The following TAFA5 variants were observed in gnomAD, a reference collection of about 807,000 sequenced individuals.
TAFA5 encodes the protein TAFA chemokine like family member 5.
In TAFA5, 6 loss-of-function variants were observed where a neutral mutation model predicts 15.3. The observed-to-expected ratio is 0.39, with a 90% CI of 0.21 to 0.77. The LOEUF (loss-of-function observed/expected upper bound fraction) is 0.77. TAFA5 is among the 30% of genes least tolerant of loss of function. The probability of loss-of-function intolerance (pLI) is 0.41; values close to 1 mark genes in which losing one functional copy is unlikely to be tolerated. For synonymous variants in TAFA5, 103 were observed against 80.7 expected (o/e 1.28, Z -1.48); for missense variants, 161 against 193.1 (o/e 0.83, Z 0.98).
chr22:48,717,344 G>A (rs1291094861), intron 3 of TAFA5, among the ~76,000 whole-genome samples: 2 of 152,280 alleles, frequency 1.3e-5, no homozygotes, highest in Middle Eastern at 3.4e-3. Context: ...CTCCAGCCCT[G>A]GACATCCCAG....
chr22:48,640,662 C>T (rs1015502441), intron 1 of TAFA5, among the ~76,000 whole-genome samples: 1 of 152,198 alleles, frequency 6.6e-6, no homozygotes, highest in Non-Finnish European at 1.5e-5. Context: ...CCACATGGCG[C>T]ACAGATGGTG....
At position 48,710,993 on chromosome 22, in the gene TAFA5, C is replaced by T. The variant is rs1929234183; in HGVS notation, c.390+3149C>T. Among the ~76,000 whole-genome samples, 3 of 152,220 alleles carry T rather than the reference C, an allele frequency of 2.0e-5. No homozygotes were observed. The South Asian group carries it at 6.2e-4, about 32-fold the overall frequency. On this transcript the variant is annotated intron_variant, in intron 3 of 3. Coordinates refer to ENST00000402357, the MANE Select transcript of TAFA5 (RefSeq NM_001082967.3). Reference sequence around the variant, plus strand: ...GGCCAGACCTGGCTTGGTGTGAGACCCCAAGTGGCTTTCAGCTCGGGAGAC... The same window carrying T: ...GGCCAGACCTGGCTTGGTGTGAGACTCCAAGTGGCTTTCAGCTCGGGAGAC...
intron 1 of TAFA5, among the ~76,000 whole-genome samples, chr22:48,554,306 T>C (rs1235152567): frequency 6.6e-6 from 1 of 152,198 alleles, no homozygotes; most frequent in East Asian, 1.9e-4. Context: ...GGAAGGAAAT[T>C]ATCATAATCC....
intron 1 of TAFA5, among the ~76,000 whole-genome samples, chr22:48,625,988 G>A (rs1232489026): frequency 5.3e-5 from 8 of 152,212 alleles, no homozygotes. Context: ...TCAGCAGTAA[G>A]CGTTTAAGGT....
intron 2 of TAFA5, among the ~76,000 whole-genome samples, chr22:48,695,274 G>A (rs533084128): frequency 7.2e-5 from 11 of 152,210 alleles, no homozygotes; most frequent in African/African-American, 2.4e-4. Flanking sequence ...TGGGAGACTC[G>A]AGGGACACTC....
At chr22:48,669,715 G>A (rs1927739594) in intron 2 of TAFA5, among the ~76,000 whole-genome samples, 1 of 152,182 alleles carries the variant, frequency 6.6e-6, no homozygotes, top group African/African-American at 2.4e-5. Context: ...AAGGGGCCAT[G>A]GGAGGAGCCC....
intron 3 of TAFA5, among the ~76,000 whole-genome samples, chr22:48,749,373 G>T (rs62225051): frequency 1.8e-4 from 28 of 152,328 alleles, no homozygotes; most frequent in African/African-American, 6.3e-4. Context: ...GGGGAGGGTG[G>T]CTCCGTGGTG....
intron 2 of TAFA5, among the ~76,000 whole-genome samples, chr22:48,677,886 G>GT (rs1230988379): frequency 2.0e-5 from 3 of 152,114 alleles, no homozygotes; most frequent in East Asian, 3.9e-4. Context: ...CTCCAACACT[G>GT]TGGAGGTCCA....
At chr22:48,723,395 G>A (rs1240200594) in intron 3 of TAFA5, among the ~76,000 whole-genome samples, 1 of 152,072 alleles carries the variant, frequency 6.6e-6, no homozygotes, top group Non-Finnish European at 1.5e-5. Flanking sequence ...GTCCTTGGAT[G>A]ACACCTCTAC....
chr22:48,527,652 T>C (rs11703199), intron 1 of TAFA5, among the ~76,000 whole-genome samples: 31,495 of 152,166 alleles, frequency 0.21, 3,526 homozygotes, highest in African/African-American at 0.3. Flanking sequence ...CAGCACCTGT[T>C]GGAAGCCCTG....
rs1437306146 is a variant in TAFA5 at position 48,490,204 on chromosome 22, A to C, written c.112+500A>C. On this transcript the variant is annotated intron_variant, in intron 1 of 3. Coordinates refer to ENST00000402357, the MANE Select transcript of TAFA5 (RefSeq NM_001082967.3). The surrounding 1 kb of genome is among the most constrained non-coding windows in gnomAD (Gnocchi z 5.8). ...AGCCTGGGCTCGGAGGAGCAGCTGGAGCTTCCGCTTTCCCGGGAAACGGGC... is the reference window on the plus strand; with the variant it reads ...AGCCTGGGCTCGGAGGAGCAGCTGGCGCTTCCGCTTTCCCGGGAAACGGGC... Among the ~76,000 whole-genome samples the C allele has an allele frequency of 6.6e-6, 1 of 152,018 alleles. No individual in the cohort carries two copies. Among genetic ancestry groups the C allele is most frequent in the Non-Finnish European group, 1.5e-5 (1 of 67,974 alleles).
chr22:48,562,286 C>T (rs897321144), intron 1 of TAFA5, among the ~76,000 whole-genome samples: 11 of 152,238 alleles, frequency 7.2e-5, no homozygotes, highest in African/African-American at 1.7e-4. Context: ...TACAGGCGCC[C>T]GCCACTATGC....
intron 1 of TAFA5, among the ~76,000 whole-genome samples, chr22:48,612,186 G>A (rs965589197): frequency 2.6e-5 from 4 of 152,124 alleles, no homozygotes; most frequent in Admixed American, 6.5e-5. Context: ...TCCCCTGGCC[G>A]CCCACTGGGC....
chr22:48,661,684 A>C (rs6010571), intron 2 of TAFA5, among the ~76,000 whole-genome samples: 1 of 152,062 alleles, frequency 6.6e-6, no homozygotes, highest in East Asian at 1.9e-4. Flanking sequence ...TCGTTCCCCC[A>C]CCCTCCTGGA....
At chr22:48,539,315 T>C (rs1922278144) in intron 1 of TAFA5, 1 of 466,752 alleles carries the variant, frequency 2.1e-6, no homozygotes, top group East Asian at 7.0e-5. Flanking sequence ...ATTTGCCAGA[T>C]AATCGGAGGC....
intron 2 of TAFA5, among the ~76,000 whole-genome samples, chr22:48,656,933 T>C (rs1019677083): frequency 1.3e-5 from 2 of 151,826 alleles, no homozygotes; most frequent in Non-Finnish European, 2.9e-5. Flanking sequence ...GCCCAGCTAT[T>C]TTTTTTCTTC....
chr22:48,575,833 G>T (rs1923758946), intron 1 of TAFA5, among the ~76,000 whole-genome samples: 1 of 143,202 alleles, frequency 7.0e-6, no homozygotes, highest in East Asian at 2.1e-4. Flanking sequence ...GCAGCCCCGC[G>T]CCCGGCGCGC....
intron 1 of TAFA5, among the ~76,000 whole-genome samples, chr22:48,522,560 C>CCAGGCAAGGTTAGG (rs1330270329): frequency 6.6e-6 from 1 of 152,184 alleles, no homozygotes; most frequent in Non-Finnish European, 1.5e-5. Context: ...GGGCGCGGGG[C>CCAGGCAAGGTTAGG]CAGGCAAGGT....
intron 1 of TAFA5, among the ~76,000 whole-genome samples, chr22:48,603,359 C>T (rs1012873395): frequency 1.3e-5 from 2 of 152,228 alleles, no homozygotes; most frequent in African/African-American, 2.4e-5. Flanking sequence ...GAGGCGGCCA[C>T]GCAGTGCGGC....
Sources: allele counts gnomAD v4.1 joint callset (sites outside exome capture counted in the v4.1 genomes callset), GRCh38; gene constraint gnomAD v4.1.1; non-coding constraint Gnocchi (gnomAD v3.1); transcripts MANE v1.5; gene names NCBI Gene and HGNC (gene_info 2026-07-23, HGNC 2026-07-21).